Variants in DMRT1 observed in about 807,000 individuals in gnomAD.
DMRT1 encodes the protein doublesex- and mab-3-related transcription factor 1.
In DMRT1, 7 loss-of-function variants were observed where a neutral mutation model predicts 32.3. The ratio of observed to expected loss-of-function variants is 0.22; its 90% CI spans 0.12 to 0.41. DMRT1 has a LOEUF of 0.41. DMRT1 is among the 10% of genes least tolerant of loss of function. The pLI is 1.00. For synonymous variants in DMRT1, 278 were observed against 206.1 expected, an observed-to-expected ratio of 1.35 and a Z score of -2.99; for missense variants, 625 against 500.5, an observed-to-expected ratio of 1.25 and a Z score of -2.37.
intron 2 of DMRT1, among the ~76,000 whole-genome samples, chr9:893,159 C>G (rs1817218598): frequency 6.6e-6 from 1 of 152,178 alleles, no homozygotes; most frequent in African/African-American, 2.4e-5. Flanking sequence ...GTTTCAGGCA[C>G]CCGGACTGGC....
At chr9:932,062 C>T (rs960321770) in intron 4 of DMRT1, among the ~76,000 whole-genome samples, 1 of 152,186 alleles carries the variant, frequency 6.6e-6, no homozygotes, top group Non-Finnish European at 1.5e-5. Flanking sequence ...TCCCTAGAGC[C>T]AGCGGTGGCT....
At chr9:938,331 G>A (rs10977643) in intron 4 of DMRT1, among the ~76,000 whole-genome samples, 45,097 of 152,032 alleles carry the variant, frequency 0.3, 10,561 homozygotes, top group African/African-American at 0.66. Context: ...AGATTTTGAT[G>A]GAAATTGAAT....
intron 2 of DMRT1, among the ~76,000 whole-genome samples, chr9:892,144 C>G (rs1474262411): frequency 2.0e-5 from 3 of 152,188 alleles, no homozygotes; most frequent in African/African-American, 4.8e-5. Context: ...GTCTGTTGGT[C>G]TTTTCTAGAA....
rs780064237 is a variant in DMRT1 at position 842,230 on chromosome 9, G to GTTTTTTTTTTTTTTTTTTTTT, written c.354+41_354+61dup. 6.9e-5 allele frequency: 87 copies of GTTTTTTTTTTTTTTTTTTTTT among 1,267,086 alleles called. 4 individuals carry two copies. In the African/African-American group the frequency reaches 1.7e-3, roughly 24 times the overall value. 78.5% of individuals were successfully genotyped at this position (1,267,086 alleles called of 1,614,324 possible). On this transcript the variant is annotated intron_variant, in intron 1 of 4. Coordinates refer to ENST00000382276, the MANE Select transcript of DMRT1 (RefSeq NM_021951.3). ...GTGCGGGAGCCCGGGTTCAGCCTTA[G>GTTTTTTTTTTTTTTTTTTTTT]TTTTTTTTTTTTTTTTTTTTTTTAG...
intron 4 of DMRT1, among the ~76,000 whole-genome samples, chr9:930,364 A>G (rs1329592921): frequency 6.6e-6 from 1 of 151,680 alleles, no homozygotes; most frequent in East Asian, 1.9e-4. Context: ...TCTCAAGTAG[A>G]TAGGACTACA....
chr9:853,494 C>G (rs1454966134), intron 2 of DMRT1, among the ~76,000 whole-genome samples: 1 of 143,562 alleles, frequency 7.0e-6, no homozygotes, highest in Non-Finnish European at 1.5e-5. Flanking sequence ...TTTTTTGAGA[C>G]GAAGTCTTGA....
At chr9:872,016 C>T (rs936520859) in intron 2 of DMRT1, among the ~76,000 whole-genome samples, 1 of 151,460 alleles carries the variant, frequency 6.6e-6, no homozygotes, top group East Asian at 1.9e-4. Flanking sequence ...TTATTTGAGA[C>T]CCTTCTAAAA....
intron 4 of DMRT1, among the ~76,000 whole-genome samples, chr9:960,783 G>A (rs990701777): frequency 1.3e-5 from 2 of 152,204 alleles, no homozygotes; most frequent in Non-Finnish European, 2.9e-5. Flanking sequence ...TGGGAAAACA[G>A]TCTCCCAGAA....
chr9:910,254 G>A (rs1817926148), intron 3 of DMRT1, among the ~76,000 whole-genome samples: 2 of 151,564 alleles, frequency 1.3e-5, no homozygotes, highest in Admixed American at 6.6e-5. Context: ...TGTGAGCACA[G>A]GCATTTTTAA....
chr9:894,127 C>G lies in DMRT1; in HGVS notation c.754C>G (p.Pro252Ala), dbSNP rs367816045. 4.3e-6 allele frequency: 7 copies of G among 1,614,108 alleles called. No homozygotes were observed. The African/African-American group carries it at 8.0e-5, about 18-fold the overall frequency. The change falls in exon 3 of 5, where the codon CCT (proline) becomes GCT (alanine). Residue 252 changes from proline (P) to alanine (A), a missense_variant. Physicochemically the swap from Pro to Ala is conservative, Grantham distance 27. Transcript: ENST00000382276. Reference protein sequence around the residue: ...GEVGNPLGGSPVKNSLRGLPG... With the variant: ...GEVGNPLGGSAVKNSLRGLPG... ...GGTGGGAAATCCCCTCGGGGGATCC[C>G]CTGTGAAGAACAGCCTTCGGGGCCT...
intron 2 of DMRT1, among the ~76,000 whole-genome samples, chr9:879,923 A>G (rs1483246238): frequency 6.6e-6 from 1 of 152,246 alleles, no homozygotes; most frequent in Admixed American, 6.5e-5. Flanking sequence ...AATCACATTC[A>G]TTAATACTAC....
chr9:949,682 G>C (rs2129949056), intron 4 of DMRT1, among the ~76,000 whole-genome samples: 1 of 152,348 alleles, frequency 6.6e-6, no homozygotes, highest in South Asian at 2.1e-4. Context: ...CTTATCTTGT[G>C]TAACTGAAAC....
intron 3 of DMRT1, among the ~76,000 whole-genome samples, chr9:905,247 T>C (rs1341648795): frequency 6.6e-6 from 1 of 152,196 alleles, no homozygotes; most frequent in African/African-American, 2.4e-5. Flanking sequence ...GGCATCACCA[T>C]TGAGATGCAC....
At chr9:937,085 GGA>G (rs1312718112) in intron 4 of DMRT1, among the ~76,000 whole-genome samples, 1 of 152,180 alleles carries the variant, frequency 6.6e-6, no homozygotes, top group Non-Finnish European at 1.5e-5. Flanking sequence ...TCATATAAAT[GGA>G]ATGATGCCAT....
At chr9:967,468 C>T (rs1363981929) in intron 4 of DMRT1, among the ~76,000 whole-genome samples, 1 of 152,122 alleles carries the variant, frequency 6.6e-6, no homozygotes, top group African/African-American at 2.4e-5. Flanking sequence ...ATCCCTTTCC[C>T]CCGTCTTTGT....
intron 3 of DMRT1, among the ~76,000 whole-genome samples, chr9:903,296 A>G (rs1817657376): frequency 6.6e-6 from 1 of 150,902 alleles, no homozygotes; most frequent in African/African-American, 2.4e-5. Context: ...CTGAAGCATT[A>G]AGCCTGGGTG....
chr9:922,700 G>A (rs887149945), intron 4 of DMRT1, among the ~76,000 whole-genome samples: 1 of 152,142 alleles, frequency 6.6e-6, no homozygotes, highest in Non-Finnish European at 1.5e-5. Context: ...ATTTCTTTTG[G>A]TTCCGTCTCA....
At chr9:894,715 G>A (rs1006782083) in intron 3 of DMRT1, 8 of 191,106 alleles carry the variant, frequency 4.2e-5, no homozygotes, top group South Asian at 3.3e-4. Context: ...AAAGGAATTC[G>A]GTCACTGTTG....
chr9:851,028 C>CAAA (rs869227462), intron 2 of DMRT1, among the ~76,000 whole-genome samples: 39,529 of 94,072 alleles, frequency 0.42, 8,502 homozygotes, highest in Non-Finnish European at 0.5. Context: ...GACTCTATCT[C>CAAA]AAAAAAAAAA....
Sources: allele counts gnomAD v4.1 joint callset (sites outside exome capture counted in the v4.1 genomes callset), GRCh38; gene constraint gnomAD v4.1.1; transcripts MANE v1.5; gene names NCBI Gene and HGNC (gene_info 2026-07-23, HGNC 2026-07-21).